The following ALK variants were observed in gnomAD, a reference collection of about 807,000 sequenced individuals.
ALK encodes the protein ALK receptor tyrosine kinase.
ALK carries 74 observed loss-of-function variants against 163.1 expected under a neutral mutation model. The ratio of observed to expected loss-of-function variants is 0.45; its 90% CI spans 0.38 to 0.55. The LOEUF is 0.55. ALK is among the 20% of genes least tolerant of loss of function. The pLI is 0.00. For synonymous variants in ALK, 960 were observed against 843.2 expected, an observed-to-expected ratio of 1.14 and a Z score of -2.40; for missense variants, 2,063 against 2,105.3, an observed-to-expected ratio of 0.98 and a Z score of 0.39.
At chr2:29,613,263 CAAT>C (rs1245607480) in intron 3 of ALK, among the ~76,000 whole-genome samples, 2 of 152,206 alleles carry the variant, frequency 1.3e-5, no homozygotes, top group African/African-American at 4.8e-5. Flanking sequence ...TGCTCAACTG[CAAT>C]AATCAATTTA....
rs115408896 is a variant in ALK, at chr2:29,676,514, T to C, written c.952+18336A>G. On this transcript the variant is annotated intron_variant, in intron 3 of 28. Coordinates refer to ENST00000389048, the MANE Select transcript of ALK (RefSeq NM_004304.5). ...TGGACTCTCATTTCTGTTCCATTGGTATATAAGCCTCTCCTTTCTTTAATA... is the reference window on the plus strand; with the variant it reads ...TGGACTCTCATTTCTGTTCCATTGGCATATAAGCCTCTCCTTTCTTTAATA... 8.3e-3 allele frequency among the ~76,000 whole-genome samples: 1,269 copies of C among 152,202 alleles called. 17 individuals carry two copies. The highest frequency in any genetic ancestry group is 9.2e-3 in the Non-Finnish European group (627 of 67,964).
intron 4 of ALK, among the ~76,000 whole-genome samples, chr2:29,438,743 C>G (rs1670464461): frequency 6.6e-6 from 1 of 152,186 alleles, no homozygotes; most frequent in Non-Finnish European, 1.5e-5. Context: ...GATCAAAGAA[C>G]ATGAAGCAAA....
intron 3 of ALK, among the ~76,000 whole-genome samples, chr2:29,632,489 G>A (rs1399411822): frequency 6.6e-6 from 1 of 152,152 alleles, no homozygotes; most frequent in Non-Finnish European, 1.5e-5. Context: ...AAATAAGGTT[G>A]TAAAAGGTAA....
intron 4 of ALK, among the ~76,000 whole-genome samples, chr2:29,500,591 C>G (rs1292014828): frequency 6.6e-6 from 1 of 152,000 alleles, no homozygotes; most frequent in African/African-American, 2.4e-5. Context: ...ATCCCTTTAT[C>G]CTCATCATGT....
chr2:29,865,297 A>G (rs888779852), intron 1 of ALK, among the ~76,000 whole-genome samples: 7 of 152,160 alleles, frequency 4.6e-5, no homozygotes, highest in African/African-American at 1.7e-4. Flanking sequence ...GCTAAGGAGG[A>G]AAGATTTTGC....
chr2:29,553,371 C>T (rs537176888), intron 3 of ALK, among the ~76,000 whole-genome samples: 2 of 152,320 alleles, frequency 1.3e-5, no homozygotes, highest in South Asian at 4.1e-4. Context: ...TTGCAGCTTC[C>T]AGAACTGCGA....
intron 4 of ALK, among the ~76,000 whole-genome samples, chr2:29,497,752 C>T (rs540402469): frequency 1.2e-4 from 18 of 152,202 alleles, no homozygotes; most frequent in Admixed American, 6.5e-4. Flanking sequence ...CATATTGTTT[C>T]GGTCATGTAG....
At chr2:29,200,075 T>C (rs931926383) in intron 26 of ALK, among the ~76,000 whole-genome samples, 1 of 152,226 alleles carries the variant, frequency 6.6e-6, no homozygotes, top group African/African-American at 2.4e-5. Context: ...TTAGATCTCT[T>C]GATTTTGCTA....
rs770707805 is a variant in ALK at position 29,328,351 on chromosome 2, G to A, written c.1413C>T (p.Cys471=). ...GGTGGGGCAGCCCCATCTACTCACG[G>A]CACATCTGGCTCTCATCTTCTCCCT... ...CAQGEDESQM[C]RKLPVGFYCN... is the part of the protein sequence containing the mutation. The change falls in exon 6 of 29, where the codon TGC becomes TGT. Residue 471 remains cysteine (C), a splice_region_variant and synonymous_variant. Transcript: ENST00000389048. 80 of 1,614,008 alleles carry A rather than the reference G, an allele frequency of 5.0e-5. No homozygotes were observed. The highest frequency in any genetic ancestry group is 2.3e-4 in the Admixed American group (14 of 60,008).
intron 4 of ALK, among the ~76,000 whole-genome samples, chr2:29,430,023 C>G (rs192288527): frequency 6.6e-6 from 1 of 152,016 alleles, no homozygotes; most frequent in African/African-American, 2.4e-5. Flanking sequence ...TGAAGTTGAA[C>G]CCCTACCTCA....
At chr2:29,350,617 G>A (rs1210282249) in intron 5 of ALK, among the ~76,000 whole-genome samples, 4 of 152,168 alleles carry the variant, frequency 2.6e-5, no homozygotes, top group African/African-American at 9.7e-5. Context: ...ACCTGCTGTA[G>A]AGTAAACTCA....
intron 11 of ALK, among the ~76,000 whole-genome samples, chr2:29,266,951 A>G (rs1022585053): frequency 1.3e-5 from 2 of 152,036 alleles, no homozygotes; most frequent in African/African-American, 4.8e-5. Context: ...TGATAATCAC[A>G]CCCTTGTGTA....
intron 1 of ALK, among the ~76,000 whole-genome samples, chr2:29,753,502 T>A (rs1303384102): frequency 1.3e-5 from 2 of 152,184 alleles, no homozygotes; most frequent in African/African-American, 4.8e-5. Flanking sequence ...TTTCCATTCC[T>A]ATCGGCCAGA....
At chr2:29,565,754 AC>A (rs1034886943) in intron 3 of ALK, among the ~76,000 whole-genome samples, 4 of 152,080 alleles carry the variant, frequency 2.6e-5, no homozygotes, top group Admixed American at 2.6e-4. Context: ...ATCTAATAGC[AC>A]CCTGCAAAAC....
At chr2:29,650,492 G>A (rs1379907716) in intron 3 of ALK, among the ~76,000 whole-genome samples, 1 of 152,150 alleles carries the variant, frequency 6.6e-6, no homozygotes, top group Non-Finnish European at 1.5e-5. Flanking sequence ...GGGGTCTTAA[G>A]ACGTCCCGGG....
intron 4 of ALK, among the ~76,000 whole-genome samples, chr2:29,525,898 C>T (rs1053375645): frequency 6.6e-6 from 1 of 151,606 alleles, no homozygotes; most frequent in Non-Finnish European, 1.5e-5. Flanking sequence ...ATGTTAATCG[C>T]TGAAGGTCCA....
At chr2:29,492,640 CAAG>C (rs897559244) in intron 4 of ALK, among the ~76,000 whole-genome samples, 43 of 152,238 alleles carry the variant, frequency 2.8e-4, no homozygotes, top group African/African-American at 1.0e-3. Flanking sequence ...AGAAAAAAGC[CAAG>C]AATATGGGTG....
At chr2:29,874,234 G>A (rs1304198274) in intron 1 of ALK, among the ~76,000 whole-genome samples, 1 of 151,956 alleles carries the variant, frequency 6.6e-6, no homozygotes, top group Non-Finnish European at 1.5e-5. Context: ...TTCTTCTCTG[G>A]TCCCCACCCC....
chr2:29,507,752 G>C (rs772035100), intron 4 of ALK, among the ~76,000 whole-genome samples: 24 of 152,110 alleles, frequency 1.6e-4, no homozygotes, highest in Non-Finnish European at 2.6e-4. Context: ...CCTAGAATAG[G>C]AGCAGGAAAG....
Sources: gnomAD v4.1 joint callset for allele counts (sites outside exome capture counted in the v4.1 genomes callset) on GRCh38, gnomAD v4.1.1 for gene constraint, MANE v1.5 for transcripts, NCBI Gene and HGNC (gene_info 2026-07-23, HGNC 2026-07-21) for gene names.